The following CACNA2D3 variants were observed in gnomAD, a reference collection of about 807,000 sequenced individuals.
CACNA2D3 encodes the protein voltage-dependent calcium channel subunit alpha-2/delta-3.
In CACNA2D3, 60 loss-of-function variants were observed where a neutral mutation model predicts 160.6. That is an observed-to-expected ratio of 0.37 (90% CI 0.30 to 0.46). CACNA2D3 has a LOEUF of 0.46. Ranked by LOEUF, CACNA2D3 falls within the 20% of genes least tolerant of loss-of-function variation. CACNA2D3 has a pLI of 1.00. For missense variants in CACNA2D3, 1,205 were observed against 1,365.0 expected, an observed-to-expected ratio of 0.88 and a Z score of 1.85; for synonymous variants, 558 against 492.9, an observed-to-expected ratio of 1.13 and a Z score of -1.75.
intron 2 of CACNA2D3, among the ~76,000 whole-genome samples, chr3:54,268,487 G>A (rs1000890373): frequency 3.3e-5 from 5 of 152,178 alleles, no homozygotes; most frequent in African/African-American, 1.2e-4. Flanking sequence ...TTGGCTCACT[G>A]CAACCTCTGC....
intron 12 of CACNA2D3, among the ~76,000 whole-genome samples, chr3:54,755,624 A>G (rs896547036): frequency 1.3e-5 from 2 of 152,130 alleles, no homozygotes; most frequent in African/African-American, 4.8e-5. Context: ...CATTTCAGGG[A>G]GAACTATAGG....
At chr3:54,998,127 C>CTTTTTT (rs752805359) in intron 31 of CACNA2D3, among the ~76,000 whole-genome samples, 5 of 126,994 alleles carry the variant, frequency 3.9e-5, no homozygotes, top group Admixed American at 8.3e-5. Context: ...TCAATTAATT[C>CTTTTTT]TTTTTTTTTT....
At chr3:54,805,231 A>G (rs1296225180) in intron 13 of CACNA2D3, among the ~76,000 whole-genome samples, 1 of 152,236 alleles carries the variant, frequency 6.6e-6, no homozygotes, top group Non-Finnish European at 1.5e-5. Flanking sequence ...TAGAGACACA[A>G]AAAACCCTTC....
intron 2 of CACNA2D3, among the ~76,000 whole-genome samples, chr3:54,184,874 G>A (rs1700853390): frequency 6.6e-6 from 1 of 152,206 alleles, no homozygotes; most frequent in Admixed American, 6.5e-5. Context: ...ATTCTGAGGT[G>A]AGAGCCCCAA....
chr3:54,643,940 G>C (rs1027015364), intron 11 of CACNA2D3, among the ~76,000 whole-genome samples: 1 of 152,174 alleles, frequency 6.6e-6, no homozygotes, highest in Non-Finnish European at 1.5e-5. Flanking sequence ...GCATTATTTA[G>C]AGCCATTTAT....
chr3:54,923,295 G>C (rs903973218), intron 27 of CACNA2D3, among the ~76,000 whole-genome samples: 1 of 151,950 alleles, frequency 6.6e-6, no homozygotes, highest in African/African-American at 2.4e-5. Flanking sequence ...CTCTGCACTG[G>C]CCACTGTCTT....
intron 5 of CACNA2D3, among the ~76,000 whole-genome samples, chr3:54,519,742 G>T (rs1344584870): frequency 1.3e-5 from 2 of 152,200 alleles, no homozygotes; most frequent in African/African-American, 4.8e-5. Context: ...AACTTAGCAG[G>T]AATTGTTTCA....
chr3:54,559,768 A>T (rs1702296971), intron 5 of CACNA2D3, among the ~76,000 whole-genome samples: 1 of 152,124 alleles, frequency 6.6e-6, no homozygotes, highest in Admixed American at 6.5e-5. Flanking sequence ...GAAAGGCCCC[A>T]GTGTGTGTTG....
At chr3:54,585,485 C>T (rs552012526) in intron 9 of CACNA2D3, among the ~76,000 whole-genome samples, 1 of 152,270 alleles carries the variant, frequency 6.6e-6, no homozygotes, top group East Asian at 1.9e-4. Flanking sequence ...TTTAATATAT[C>T]ATTAATCACC....
chr3:54,296,993 C>G (rs765300136), intron 2 of CACNA2D3, among the ~76,000 whole-genome samples: 2 of 152,150 alleles, frequency 1.3e-5, no homozygotes, highest in African/African-American at 2.4e-5. Context: ...TCCTCCACTT[C>G]CTACCTAGCG....
At chr3:54,870,017 G>T (rs2703026) in intron 17 of CACNA2D3, among the ~76,000 whole-genome samples, 7,867 of 152,254 alleles carry the variant, frequency 0.052, 338 homozygotes, top group South Asian at 0.11. Context: ...GATCAGGGTG[G>T]TAAGAGCCCA....
chr3:54,392,797 C>A (rs890370267), intron 4 of CACNA2D3, among the ~76,000 whole-genome samples: 32 of 152,068 alleles, frequency 2.1e-4, no homozygotes, highest in African/African-American at 7.7e-4. Flanking sequence ...TGAAGGAAAC[C>A]CAGGAAAGGA....
At chr3:54,130,118 A>G (rs1174272535) in intron 2 of CACNA2D3, among the ~76,000 whole-genome samples, 1 of 152,216 alleles carries the variant, frequency 6.6e-6, no homozygotes, top group Non-Finnish European at 1.5e-5. Context: ...TTGTTAAAAA[A>G]TTATTAAGAA....
intron 2 of CACNA2D3, among the ~76,000 whole-genome samples, chr3:54,268,513 G>A (rs1404228400): frequency 1.3e-5 from 2 of 152,142 alleles, no homozygotes; most frequent in Admixed American, 6.5e-5. Context: ...GGGTTCAAGC[G>A]ATTCTCCTGC....
At chr3:54,897,598 G>A (rs1003961828) in intron 26 of CACNA2D3, among the ~76,000 whole-genome samples, 1 of 151,990 alleles carries the variant, frequency 6.6e-6, no homozygotes, top group Non-Finnish European at 1.5e-5. Context: ...ACCTAGTTCT[G>A]TAAACTTGGG....
At chr3:54,570,839 G>T (rs758666520) in intron 8 of CACNA2D3, among the ~76,000 whole-genome samples, 3 of 152,068 alleles carry the variant, frequency 2.0e-5, no homozygotes, top group Non-Finnish European at 4.4e-5. Flanking sequence ...TTATTCAGGT[G>T]TCCATCTTGT....
intron 6 of CACNA2D3, among the ~76,000 whole-genome samples, chr3:54,563,762 T>C (rs1702364762): frequency 6.6e-6 from 1 of 152,092 alleles, no homozygotes; most frequent in Non-Finnish European, 1.5e-5. Context: ...AGTGAAGTCT[T>C]TCATGTTTTC....
intron 4 of CACNA2D3, among the ~76,000 whole-genome samples, chr3:54,501,454 T>C (rs1004663940): frequency 6.6e-6 from 1 of 150,604 alleles, no homozygotes; most frequent in Admixed American, 6.6e-5. Flanking sequence ...TCACCCAGGC[T>C]AGAGTACATT....
At chr3:54,402,828 A>G (rs142808085) in intron 4 of CACNA2D3, among the ~76,000 whole-genome samples, 2 of 152,348 alleles carry the variant, frequency 1.3e-5, no homozygotes, top group East Asian at 3.9e-4. Context: ...CAGAATATAC[A>G]TTCTTCTCTA....
Sources: allele counts gnomAD v4.1 joint callset (sites outside exome capture counted in the v4.1 genomes callset), GRCh38; gene constraint gnomAD v4.1.1; transcripts MANE v1.5; gene names NCBI Gene and HGNC (gene_info 2026-07-23, HGNC 2026-07-21).